DAB1: variants seen among roughly 807,000 people sequenced by gnomAD.
The protein encoded by DAB1 is DAB adaptor protein 1.
A neutral mutation model predicts 64.6 loss-of-function variants in DAB1; 15 were observed. The ratio of observed to expected loss-of-function variants is 0.23; its 90% confidence interval spans 0.16 to 0.36. DAB1 has a LOEUF of 0.36. Ranked by LOEUF, DAB1 falls within the 10% of genes least tolerant of loss-of-function variation. The probability of loss-of-function intolerance (pLI) is 1.00; values close to 1 mark genes in which losing one functional copy is unlikely to be tolerated. For synonymous variants in DAB1, 235 were observed against 251.9 expected (o/e 0.93, Z 0.64); for missense variants, 596 against 706.7 (o/e 0.84, Z 1.78).
Position 58,063,503 on chromosome 1 carries a change from T to A in DAB1, n.387+87008A>T, listed in dbSNP as rs568534223. On this transcript the variant is annotated intron_variant and non_coding_transcript_variant, in intron 5 of 20. Transcript: ENST00000485760. ...CACTTGGCACAGACTCAGCCTATGG[T>A]AGACAGAATTAAGCTCATGGAGTAG... is the stretch of plus-strand genomic sequence containing the variant. Among the ~76,000 whole-genome samples the A allele has an allele frequency of 3.3e-5, 5 of 152,262 alleles. No homozygotes were observed. In the South Asian group the frequency reaches 8.3e-4, roughly 25 times the overall value.
At chr1:57,396,165 T>A (rs1300207144) in intron 1 of DAB1, among the ~76,000 whole-genome samples, 1 of 152,212 alleles carries the variant, frequency 6.6e-6, no homozygotes, top group Non-Finnish European at 1.5e-5. Context: ...TCACACACCA[T>A]GCTGTGCTTC....
chr1:57,428,028 C>G (rs1469608502), upstream of DAB1, among the ~76,000 whole-genome samples: 1 of 152,134 alleles, frequency 6.6e-6, no homozygotes, highest in South Asian at 2.1e-4. Flanking sequence ...CTTAGCCGGG[C>G]GTGGTGGCTC....
At chr1:57,071,374 C>T (rs908195803) in intron 6 of DAB1, 148 bp downstream of exon 6, 18 of 914,050 alleles carry the variant, frequency 2.0e-5, no homozygotes, top group Non-Finnish European at 2.8e-5. Context: ...TTTCTAATGG[C>T]TTGCTTTGGG....
intron 5 of DAB1, among the ~76,000 whole-genome samples, chr1:58,134,874 C>A (rs184779014): frequency 7.9e-5 from 12 of 152,174 alleles, no homozygotes; most frequent in African/African-American, 2.2e-4. Context: ...CTAGGAGGGA[C>A]CCATACATTC....
At chr1:57,334,130 G>A (rs951731671) in intron 1 of DAB1, among the ~76,000 whole-genome samples, 2 of 152,176 alleles carry the variant, frequency 1.3e-5, no homozygotes, top group African/African-American at 2.4e-5. Context: ...GGGAAGTAAG[G>A]CCCAGCCAAG....
chr1:57,816,134 G>C (rs1033441824), intron 6 of DAB1, among the ~76,000 whole-genome samples: 1 of 152,204 alleles, frequency 6.6e-6, no homozygotes, highest in Non-Finnish European at 1.5e-5. Context: ...TGCTCTGGGA[G>C]ATCCATAAAC....
At chr1:57,299,579 A>C (rs759508916) in intron 1 of DAB1, among the ~76,000 whole-genome samples, 38 of 152,250 alleles carry the variant, frequency 2.5e-4, no homozygotes, top group Admixed American at 4.6e-4. Flanking sequence ...GCACCATGAA[A>C]ATTCATTACA....
chr1:57,964,973 A>T (rs1401677450), intron 5 of DAB1, among the ~76,000 whole-genome samples: 1 of 152,192 alleles, frequency 6.6e-6, no homozygotes, highest in Admixed American at 6.5e-5. Context: ...AACTAAAAAA[A>T]GTGTTTCACC....
chr1:57,526,806 C>T (rs1644598827), intron 7 of DAB1, among the ~76,000 whole-genome samples: 2 of 152,088 alleles, frequency 1.3e-5, no homozygotes, highest in Non-Finnish European at 2.9e-5. Flanking sequence ...TACAAAAGTA[C>T]TTTCTCAAAC....
chr1:57,705,837 AC>A (rs1214537013), intron 6 of DAB1, among the ~76,000 whole-genome samples: 2 of 150,108 alleles, frequency 1.3e-5, no homozygotes, highest in African/African-American at 4.9e-5. Context: ...AGTACTTAAT[AC>A]GTATCTTTGG....
chr1:58,227,256 C>T (rs1426854146), intron 4 of DAB1, among the ~76,000 whole-genome samples: 1 of 152,118 alleles, frequency 6.6e-6, no homozygotes, highest in African/African-American at 2.4e-5. Flanking sequence ...TCTAGGATTC[C>T]AATCACAAAG....
intron 5 of DAB1, among the ~76,000 whole-genome samples, chr1:57,896,790 T>C (rs1644398054): frequency 1.3e-5 from 2 of 152,202 alleles, no homozygotes; most frequent in Admixed American, 6.5e-5. Context: ...GTGTCAGCCA[T>C]TGTGATTATT....
intron 3 of DAB1, among the ~76,000 whole-genome samples, chr1:58,465,846 C>T (rs1645291069): frequency 6.6e-6 from 1 of 152,186 alleles, no homozygotes; most frequent in African/African-American, 2.4e-5. Context: ...GCCTTGCCTG[C>T]AGTACCCATG....
chr1:57,565,168 A>C (rs922127385), intron 7 of DAB1, among the ~76,000 whole-genome samples: 1 of 152,226 alleles, frequency 6.6e-6, no homozygotes, highest in Admixed American at 6.5e-5. Flanking sequence ...ATATCCAGTG[A>C]AACTAAGCTT....
intron 2 of DAB1, among the ~76,000 whole-genome samples, chr1:58,525,667 A>G (rs574417946): frequency 6.6e-6 from 1 of 152,284 alleles, no homozygotes; most frequent in African/African-American, 2.4e-5. Context: ...ATGCAATGCA[A>G]TTCCAATCAA....
chr1:57,493,851 T>C (rs150428887), intron 7 of DAB1, among the ~76,000 whole-genome samples: 78 of 152,080 alleles, frequency 5.1e-4, no homozygotes, highest in Non-Finnish European at 7.8e-4. Context: ...AATCTCAAAC[T>C]TCACCTTAAA....
intron 4 of DAB1, among the ~76,000 whole-genome samples, chr1:58,338,395 C>T (rs548543288): frequency 1.3e-5 from 2 of 152,288 alleles, no homozygotes; most frequent in Admixed American, 6.5e-5. Context: ...ATTCCCTTCT[C>T]TTTTGCAGCT....
intron 1 of DAB1, among the ~76,000 whole-genome samples, chr1:57,364,473 C>A (rs533466510): frequency 1.3e-5 from 2 of 152,004 alleles, no homozygotes; most frequent in Non-Finnish European, 2.9e-5. Context: ...CTGCTCTGCA[C>A]GCAGGCAGAG....
intron 1 of DAB1, among the ~76,000 whole-genome samples, chr1:57,334,325 G>A (rs1676911582): frequency 6.6e-6 from 1 of 152,224 alleles, no homozygotes; most frequent in South Asian, 2.1e-4. Flanking sequence ...TTCAAGTCCT[G>A]ACTCTGCCAT....
Sources: allele counts gnomAD v4.1 joint callset (sites outside exome capture counted in the v4.1 genomes callset), GRCh38; gene constraint gnomAD v4.1.1; transcripts MANE v1.5; gene names NCBI Gene and HGNC (gene_info 2026-07-23, HGNC 2026-07-21).